ZDHHC11: variants seen among roughly 807,000 people sequenced by gnomAD.
The protein encoded by ZDHHC11 is zDHHC palmitoyltransferase 11, also known as palmitoyltransferase ZDHHC11.
Under a neutral mutation model 51.3 loss-of-function variants are expected in ZDHHC11, and 44 were observed. That is an observed-to-expected ratio of 0.86 (90% CI 0.67 to 1.10). The LOEUF (loss-of-function observed/expected upper bound fraction) is 1.10. ZDHHC11 is among the 50% of genes least tolerant of loss of function. The pLI is 0.00. For missense variants in ZDHHC11, 400 were observed against 537.7 expected (o/e 0.74, Z 2.53); for synonymous variants, 163 against 222.0 (o/e 0.73, Z 2.36).
At chr5:825,911 A>C (rs1419092281) in intron 7 of ZDHHC11, among the ~76,000 whole-genome samples, 1 of 149,654 alleles carries the variant, frequency 6.7e-6, no homozygotes, top group African/African-American at 2.4e-5. Context: ...CCATGTGACA[A>C]CTTCACTGCT....
chr5:859,641 T>C (rs1338341513), upstream of ZDHHC11, among the ~76,000 whole-genome samples: 1 of 152,182 alleles, frequency 6.6e-6, no homozygotes, highest in Non-Finnish European at 1.5e-5. Flanking sequence ...GCAGGGAGTC[T>C]CAGCATTTTA....
intron 1 of ZDHHC11, among the ~76,000 whole-genome samples, chr5:858,574 CT>C (rs1291989199): frequency 1.3e-5 from 2 of 152,198 alleles, no homozygotes; most frequent in Non-Finnish European, 1.5e-5. Flanking sequence ...TCTGGCACCC[CT>C]GAGCATATCC....
At chr5:801,828 T>C (rs12654019) in intron 11 of ZDHHC11, among the ~76,000 whole-genome samples, 4 of 150,830 alleles carry the variant, frequency 2.7e-5, no homozygotes, top group Admixed American at 6.6e-5. Context: ...ACAAGCAAAA[T>C]AGTCACTAGG....
At chr5:847,301 C>T (rs1363404292) in intron 3 of ZDHHC11, among the ~76,000 whole-genome samples, 6 of 151,704 alleles carry the variant, frequency 4.0e-5, no homozygotes, top group Admixed American at 6.6e-5. Context: ...TTACTCTATG[C>T]GGATGAGCTT....
intron 10 of ZDHHC11, chr5:816,542 C>T (rs77351621): frequency 0.1 from 56,449 of 563,474 alleles, 4,289 homozygotes; most frequent in Admixed American, 0.21. Context: ...CAAAAAGATA[C>T]TTCTGGAAAA....
At chr5:817,439 C>A (rs1246563593) in intron 10 of ZDHHC11, among the ~76,000 whole-genome samples, 2 of 151,506 alleles carry the variant, frequency 1.3e-5, no homozygotes, top group Non-Finnish European at 3.0e-5. Flanking sequence ...CCTTCACACA[C>A]TATTTTTGTG....
intron 8 of ZDHHC11, among the ~76,000 whole-genome samples, chr5:824,297 GA>G (rs1741979293): frequency 6.6e-6 from 1 of 150,482 alleles, no homozygotes; most frequent in East Asian, 1.9e-4. Context: ...CATCTCTTAA[GA>G]AATAAAAAAT....
In ZDHHC11 at chr5:819,608, T is replaced by C; in HGVS notation, c.1063A>G (p.Lys355Glu). The C allele has an allele frequency of 6.2e-7, 1 of 1,609,132 alleles. No individual in the cohort carries two copies. Among genetic ancestry groups the C allele is most frequent in the Non-Finnish European group, 8.5e-7 (1 of 1,176,160 alleles). ...CAAATCAGCCGGGAGTTCCTGGCCT[T>C]GGCTCTGGTGGGGCAAACAGAAGGA... ...EDPCPSALGA[K>E]ARNSRLICRR... The change falls in exon 10 of 13, where the codon AAG (lysine) becomes GAG (glutamate). Residue 355 changes from lysine (K) to glutamate (E), a missense_variant. Lys to Glu is a moderately conservative substitution (Grantham distance 56, BLOSUM62 1). Around this residue, in one of 5 missense-constraint regions of ZDHHC11, gnomAD observed 231 missense variants for 227.4 expected, o/e 1.02. Coordinates refer to ENST00000283441, the MANE Select transcript of ZDHHC11 (RefSeq NM_024786.3).
upstream of ZDHHC11, among the ~76,000 whole-genome samples, chr5:855,810 C>A (rs1296838658): frequency 6.8e-6 from 1 of 147,656 alleles, no homozygotes; most frequent in Non-Finnish European, 1.5e-5. Context: ...GGGACAGACC[C>A]CACAGAGGAC....
At chr5:838,780 C>T in intron 5 of ZDHHC11, among the ~76,000 whole-genome samples, 1 of 151,806 alleles carries the variant, frequency 6.6e-6, no homozygotes, top group Non-Finnish European at 1.5e-5. Context: ...GCTTCAGGCC[C>T]ACTGCACTTC....
intron 11 of ZDHHC11, among the ~76,000 whole-genome samples, chr5:814,066 TA>T (rs553565542): frequency 3.2e-4 from 47 of 147,406 alleles, no homozygotes; most frequent in African/African-American, 1.2e-3. Context: ...TTTTAAAATA[TA>T]AAGTTAATAT....
upstream of ZDHHC11, among the ~76,000 whole-genome samples, chr5:855,844 CACAGAGG>C (rs1748161816): frequency 7.1e-6 from 1 of 141,310 alleles, no homozygotes; most frequent in Non-Finnish European, 1.5e-5. Flanking sequence ...GCACAGACCC[CACAGAGG>C]ACAGACAGCG....
intron 11 of ZDHHC11, among the ~76,000 whole-genome samples, chr5:807,046 G>C (rs1252899597): frequency 6.6e-6 from 1 of 150,952 alleles, no homozygotes; most frequent in African/African-American, 2.4e-5. Flanking sequence ...CAGCACAGCT[G>C]GGTAGCAAAA....
chr5:804,783 A>G (rs1693161204), intron 11 of ZDHHC11, among the ~76,000 whole-genome samples: 1 of 151,280 alleles, frequency 6.6e-6, no homozygotes, highest in African/African-American at 2.4e-5. Context: ...ATAAAGCAAT[A>G]ACTAAGGCAT....
chr5:843,996 TGGGGCA>T (rs2150419761), intron 3 of ZDHHC11, among the ~76,000 whole-genome samples: 1 of 19,270 alleles, frequency 5.2e-5, no homozygotes, highest in South Asian at 1.9e-3. Context: ...GCAGGGCATC[TGGGGCA>T]GGGGCGGGGG....
At chr5:850,331 T>G (rs1340885382) in intron 1 of ZDHHC11, 50 bp downstream of exon 1, 8 of 1,584,410 alleles carry the variant, frequency 5.0e-6, no homozygotes, top group African/African-American at 2.7e-5. Context: ...CCATCGCAAG[T>G]TCCTCCAGGA....
At chr5:829,505 T>TA (rs1308767808) in intron 7 of ZDHHC11, among the ~76,000 whole-genome samples, 5 of 151,550 alleles carry the variant, frequency 3.3e-5, no homozygotes. Flanking sequence ...GAAACAGTAA[T>TA]AAAAAAATTG....
intron 1 of ZDHHC11, among the ~76,000 whole-genome samples, chr5:857,205 C>T (rs1748381750): frequency 6.6e-6 from 1 of 152,242 alleles, no homozygotes; most frequent in Non-Finnish European, 1.5e-5. Flanking sequence ...GTTATGACAA[C>T]CGGACCGATG....
rs1739267330 is a variant in ZDHHC11, at chr5:806,448, T to C, written c.1182-5284A>G. On this transcript the variant is annotated intron_variant, in intron 11 of 12. Coordinates refer to ENST00000283441, the MANE Select transcript of ZDHHC11 (RefSeq NM_024786.3). ...CAAAACTGAAAACCCTTAGTAGAAATAATAGATGGCTATCTTTTGGATATT... is the reference window on the plus strand; with the variant it reads ...CAAAACTGAAAACCCTTAGTAGAAACAATAGATGGCTATCTTTTGGATATT... 1.3e-5 allele frequency among the ~76,000 whole-genome samples: 2 copies of C among 148,872 alleles called. 1 individual carries two copies. The highest frequency in any genetic ancestry group is 1.3e-4 in the Admixed American group (2 of 14,970).
Sources: gnomAD v4.1 joint callset for allele counts (sites outside exome capture counted in the v4.1 genomes callset) on GRCh38, gnomAD v4.1.1 for gene constraint, gnomAD v4.1.1 regional missense constraint, MANE v1.5 for transcripts, NCBI Gene and HGNC (gene_info 2026-07-23, HGNC 2026-07-21) for gene names.